PCLAF: variants seen among roughly 807,000 people sequenced by gnomAD.
The protein encoded by PCLAF is PCNA-associated factor.
A neutral mutation model predicts 15.1 loss-of-function variants in PCLAF; 12 were observed. That is an observed-to-expected ratio of 0.79 (90% confidence interval 0.51 to 1.29). PCLAF has a LOEUF of 1.29. Ranked by LOEUF, PCLAF falls within the 50% of genes most tolerant of loss-of-function variation. The pLI, the probability that PCLAF is intolerant of heterozygous loss-of-function variation, is 0.00. For missense variants in PCLAF, 116 were observed against 130.9 expected (o/e 0.89, Z 0.56); for synonymous variants, 33 against 47.1 (o/e 0.70, Z 1.22).
At chr15:64,384,372 G>C (rs1899892811), upstream of PCLAF, among the ~76,000 whole-genome samples, 1 of 151,994 alleles carries the variant, frequency 6.6e-6, no homozygotes, top group African/African-American at 2.4e-5. Flanking sequence ...GACCTCAGGT[G>C]ATCTGCCTGC....
At chr15:64,372,947 A>C (rs892270352) in intron 3 of PCLAF, among the ~76,000 whole-genome samples, 1 of 152,218 alleles carries the variant, frequency 6.6e-6, no homozygotes, top group African/African-American at 2.4e-5. Context: ...AGCCTGGGCA[A>C]GAGTGAGACT....
chr15:64,382,846 G>T, upstream of PCLAF: 1 of 281,552 alleles, frequency 3.6e-6, no homozygotes. Flanking sequence ...TAAAAAATTA[G>T]CTGGGAGTGG....
intron 3 of PCLAF, among the ~76,000 whole-genome samples, chr15:64,367,074 G>T (rs897026962): frequency 6.6e-6 from 1 of 152,106 alleles, no homozygotes; most frequent in African/African-American, 2.4e-5. Flanking sequence ...AGCCATGATT[G>T]ATTGTGCCAC....
At chr15:64,381,117 A>AGAG in intron 1 of PCLAF, 79 bp from the exon 2 acceptor site, 1 of 1,408,832 alleles carries the variant, frequency 7.1e-7, no homozygotes, top group Non-Finnish European at 1.0e-6. Context: ...AGCAGCTTGG[A>AGAG]GAGGAGAGCC....
intron 3 of PCLAF, among the ~76,000 whole-genome samples, chr15:64,368,287 C>G (rs1022868286): frequency 6.6e-6 from 1 of 151,882 alleles, no homozygotes; most frequent in African/African-American, 2.4e-5. Flanking sequence ...GGACTCCAGC[C>G]TGGGCAACAA....
Position 64,366,059 on chromosome 15 carries a change from G to A in PCLAF, c.307C>T (p.Pro103Ser). 6.2e-7 allele frequency: 1 copy of A among 1,611,492 alleles called. No homozygotes were observed. The highest frequency in any genetic ancestry group is 8.5e-7 in the Non-Finnish European group (1 of 1,178,884). Residue 103 changes from proline to serine, a missense_variant, in exon 4 of 4, where the codon CCT (proline) becomes TCT (serine). Physicochemically the swap from Pro to Ser is moderately conservative, Grantham distance 74 (BLOSUM62 -1). Coordinates refer to ENST00000300035, the MANE Select transcript of PCLAF (RefSeq NM_014736.6). ...KAKRKACPLQPDHTNDEKE is the reference protein window; with the variant it reads ...KAKRKACPLQSDHTNDEKE ...TCTTTTTCATCATTTGTGTGATCAG[G>A]TTGCAAAGGACATGCTCTGTGAAAA...
chr15:64,383,872 T>C (rs746339825), upstream of PCLAF, among the ~76,000 whole-genome samples: 7 of 152,110 alleles, frequency 4.6e-5, no homozygotes, highest in Admixed American at 1.3e-4. Context: ...TTACTATAGT[T>C]GTGTGTTTGT....
chr15:64,376,201 G>A (rs537040394), intron 3 of PCLAF, among the ~76,000 whole-genome samples: 13 of 152,152 alleles, frequency 8.5e-5, no homozygotes, highest in Admixed American at 5.9e-4. Flanking sequence ...CTCTAGCCTG[G>A]GCAACAGAGC....
intron 3 of PCLAF, among the ~76,000 whole-genome samples, chr15:64,372,603 G>C (rs1899381960): frequency 6.6e-6 from 1 of 150,942 alleles, no homozygotes; most frequent in South Asian, 2.1e-4. Context: ...GACAGAGCGA[G>C]ACTCCATCTC....
chr15:64,368,597 T>C (rs934638978), intron 3 of PCLAF, among the ~76,000 whole-genome samples: 6 of 152,156 alleles, frequency 3.9e-5, no homozygotes, highest in African/African-American at 1.4e-4. Flanking sequence ...CTATATTCCA[T>C]AGAGAGTTTA....
chr15:64,374,058 G>A (rs568942972), intron 3 of PCLAF, among the ~76,000 whole-genome samples: 1 of 151,746 alleles, frequency 6.6e-6, no homozygotes, highest in Non-Finnish European at 1.5e-5. Flanking sequence ...AAAGTTGTTA[G>A]CACAGGGTAT....
At chr15:64,376,248 T>C (rs771101241) in intron 3 of PCLAF, among the ~76,000 whole-genome samples, 5 of 152,058 alleles carry the variant, frequency 3.3e-5, no homozygotes, top group African/African-American at 1.2e-4. Context: ...GAAAAGAAAT[T>C]TGGGAGTGAG....
chr15:64,367,511 CCCAAAAAAA>C (rs1899091375), intron 3 of PCLAF, among the ~76,000 whole-genome samples: 1 of 19,124 alleles, frequency 5.2e-5, no homozygotes, highest in Non-Finnish European at 7.5e-4. Context: ...CTCAAAAAAA[CCCAAAAAAA>C]AAAACAAAAA....
upstream of PCLAF, chr15:64,382,474 A>G: frequency 6.3e-6 from 1 of 159,340 alleles, no homozygotes; most frequent in Non-Finnish European, 1.4e-5. Flanking sequence ...AAAAGAAAAA[A>G]GAAAAGAAAG....
At position 64,366,693 on chromosome 15, in the gene PCLAF, C is replaced by G. The variant is rs143069681; in HGVS notation, c.291-618G>C. ...TCTCTACAAAAAATAAAAAATCAGGCCGGGGTCGGTGGATCACGCCTGTAA... is the reference window on the plus strand; with the variant it reads ...TCTCTACAAAAAATAAAAAATCAGGGCGGGGTCGGTGGATCACGCCTGTAA... On this transcript the variant is annotated intron_variant, in intron 3 of 3. Coordinates refer to ENST00000300035, the MANE Select transcript of PCLAF (RefSeq NM_014736.6). 1.2e-3 allele frequency among the ~76,000 whole-genome samples: 179 copies of G among 152,066 alleles called. 7 individuals are homozygous for G. Among genetic ancestry groups the G allele is most frequent in the African/African-American group, 4.2e-3 (175 of 41,490 alleles).
At chr15:64,366,166 TTAAC>T (rs1421035634) in intron 3 of PCLAF, 91 bp from the exon 4 acceptor site, 3 of 893,130 alleles carry the variant, frequency 3.4e-6, no homozygotes, top group Admixed American at 5.0e-5. Flanking sequence ...GGAACATTAA[TTAAC>T]AGTGCAGTAG....
At chr15:64,372,191 G>A (rs1899347305) in intron 3 of PCLAF, among the ~76,000 whole-genome samples, 7 of 152,170 alleles carry the variant, frequency 4.6e-5, no homozygotes, top group Admixed American at 3.9e-4. Context: ...CATTCTTGTT[G>A]AATTGGAATG....
At chr15:64,376,378 A>C (rs1330732038) in intron 3 of PCLAF, among the ~76,000 whole-genome samples, 3 of 151,974 alleles carry the variant, frequency 2.0e-5, no homozygotes, top group Non-Finnish European at 4.4e-5. Context: ...TTCTTTATTA[A>C]TTAATTAATT....
At chr15:64,373,961 G>A (rs549299145) in intron 3 of PCLAF, among the ~76,000 whole-genome samples, 2 of 151,946 alleles carry the variant, frequency 1.3e-5, no homozygotes, top group African/African-American at 4.8e-5. Context: ...CCCAAGTGGC[G>A]TGATTTTTCC....
Sources: gnomAD v4.1 joint callset for allele counts (sites outside exome capture counted in the v4.1 genomes callset) on GRCh38, gnomAD v4.1.1 for gene constraint, MANE v1.5 for transcripts, NCBI Gene and HGNC (gene_info 2026-07-23, HGNC 2026-07-21) for gene names.